MICU3: variants seen among roughly 807,000 people sequenced by gnomAD.
MICU3 encodes calcium uptake protein 3, mitochondrial.
In MICU3, 62 loss-of-function variants were observed where a neutral mutation model predicts 66.5. The ratio of observed to expected loss-of-function variants is 0.93; its 90% CI spans 0.76 to 1.15. The LOEUF is 1.15. MICU3 is among the 50% of genes most tolerant of loss of function. The pLI, the probability that MICU3 is intolerant of heterozygous loss-of-function variation, is 0.00. For synonymous variants in MICU3, 308 were observed against 240.7 expected, an observed-to-expected ratio of 1.28 and a Z score of -2.59; for missense variants, 779 against 664.4, an observed-to-expected ratio of 1.17 and a Z score of -1.90.
intron 2 of MICU3, among the ~76,000 whole-genome samples, chr8:17,065,802 G>A (rs1014298566): frequency 3.6e-4 from 55 of 152,126 alleles, no homozygotes; most frequent in African/African-American, 1.2e-3. Context: ...GACGATGAGT[G>A]TAAAGGACTC....
chr8:17,060,894 C>G (rs1238794214), intron 1 of MICU3, among the ~76,000 whole-genome samples: 1 of 151,752 alleles, frequency 6.6e-6, no homozygotes, highest in Admixed American at 6.6e-5. Flanking sequence ...TGGGCCCGCA[C>G]CTAATACCAT....
intron 1 of MICU3, among the ~76,000 whole-genome samples, chr8:17,032,007 C>T (rs2150481264): frequency 1.3e-5 from 2 of 152,272 alleles, no homozygotes; most frequent in Admixed American, 1.3e-4. Context: ...GTCTTCATTG[C>T]CTGTTAAGGG....
rs1479889013 is a variant in MICU3 at position 17,027,366 on chromosome 8, G to T, written c.87G>T (p.Gly29=). ...ACCAGCCCCTCCTTGGGCCGTGGGGGCGGCCTGCGGTGACCACCCTGGGCC... is the reference window on the plus strand; with the variant it reads ...ACCAGCCCCTCCTTGGGCCGTGGGGTCGGCCTGCGGTGACCACCCTGGGCC... ...CAHQPLLGPW[G]RPAVTTLGLP... The change falls in exon 1 of 15, where the codon GGG becomes GGT. Residue 29 remains glycine, a synonymous_variant. Coordinates refer to ENST00000318063, the MANE Select transcript of MICU3 (RefSeq NM_181723.3). The T allele has an allele frequency of 1.3e-6, 2 of 1,495,298 alleles. No individual in the cohort carries two copies. The highest frequency in any genetic ancestry group is 8.8e-7 in the Non-Finnish European group (1 of 1,132,054). 92.6% of individuals were successfully genotyped at this position (1,495,298 alleles called of 1,614,324 possible).
chr8:17,128,342 A>C, the MICU3 span, among the ~76,000 whole-genome samples: 1 of 152,250 alleles, frequency 6.6e-6, no homozygotes, highest in East Asian at 1.9e-4. Flanking sequence ...AAAGAATTCA[A>C]CCAAATCCAG....
chr8:17,053,382 A>C (rs1001352792), intron 1 of MICU3, among the ~76,000 whole-genome samples: 2 of 152,130 alleles, frequency 1.3e-5, no homozygotes, highest in African/African-American at 4.8e-5. Context: ...TGAATTGCTG[A>C]CCTGAAGTAA....
intron 1 of MICU3, among the ~76,000 whole-genome samples, chr8:17,057,006 G>A (rs570099397): frequency 2.0e-5 from 3 of 152,336 alleles, no homozygotes; most frequent in Non-Finnish European, 4.4e-5. Context: ...ATGGAAATTA[G>A]ACTCATTCTT....
chr8:17,092,188 T>G (rs1800139219), intron 8 of MICU3, among the ~76,000 whole-genome samples: 1 of 152,082 alleles, frequency 6.6e-6, no homozygotes, highest in African/African-American at 2.4e-5. Context: ...TGATTTATTT[T>G]TCTAATGTAA....
intron 2 of MICU3, among the ~76,000 whole-genome samples, chr8:17,069,306 T>G (rs1038011272): frequency 9.9e-5 from 15 of 152,194 alleles, no homozygotes; most frequent in African/African-American, 3.6e-4. Context: ...AATTATAGTT[T>G]ATCTATGTTA....
chr8:17,115,402 T>TGA lies in MICU3; in HGVS notation c.1367-1040_1367-1039insAG, dbSNP rs373771435. Among the ~76,000 whole-genome samples, 157 of 152,358 alleles carry TGA rather than the reference T, an allele frequency of 1.0e-3. 1 individual carries two copies. The highest frequency in any genetic ancestry group is 3.7e-3 in the African/African-American group (155 of 41,594). On this transcript the variant is annotated intron_variant, in intron 12 of 14. Coordinates refer to ENST00000318063, the MANE Select transcript of MICU3 (RefSeq NM_181723.3). ...TCTGCCTCTACAGACTAGCCATTAC[T>TGA]GCTGTGATAAATCTCATCAACGTGC...
In MICU3 at chr8:17,122,529, G is replaced by A. The variant is rs1803271541; in HGVS notation, c.*2242G>A. 6.6e-6 allele frequency: 1 copy of A among 151,800 alleles called. No individual in the cohort carries two copies. The highest frequency in any genetic ancestry group is 2.4e-5 in the African/African-American group (1 of 41,392). The allele number at this position is 151,800 out of a possible 1,614,324, so 9.4% of individuals were successfully genotyped here. On this transcript the variant is annotated 3_prime_UTR_variant, in exon 15 of 15. Transcript: ENST00000318063. ...ACTTCTCAGAATCATTTCATAATAA[G>A]CAATTTATTTAGCTTAAGTTCCAAC...
At chr8:17,065,606 T>C (rs989201307) in intron 2 of MICU3, among the ~76,000 whole-genome samples, 1 of 152,178 alleles carries the variant, frequency 6.6e-6, no homozygotes, top group Non-Finnish European at 1.5e-5. Flanking sequence ...TATGTAGTCA[T>C]GGAAGCCGAG....
At chr8:17,042,342 A>G (rs1350364227) in intron 1 of MICU3, among the ~76,000 whole-genome samples, 2 of 152,246 alleles carry the variant, frequency 1.3e-5, no homozygotes, top group Non-Finnish European at 2.9e-5. Flanking sequence ...AACGCTGAGA[A>G]TGTAACTTCA....
At chr8:17,074,590 C>CGTGTGTGTGTGT (rs35861279) in intron 3 of MICU3, among the ~76,000 whole-genome samples, 98 of 142,016 alleles carry the variant, frequency 6.9e-4, no homozygotes, top group African/African-American at 2.0e-3. Context: ...GATGTTAAAA[C>CGTGTGTGTGTGT]GTGTGTGTGT....
chr8:17,029,448 C>T (rs943021864), intron 1 of MICU3, among the ~76,000 whole-genome samples: 1 of 152,092 alleles, frequency 6.6e-6, no homozygotes, highest in Non-Finnish European at 1.5e-5. Context: ...TGCACCCCAG[C>T]CTGGGTGACA....
intron 11 of MICU3, among the ~76,000 whole-genome samples, chr8:17,112,900 G>C (rs912856741): frequency 1.3e-5 from 2 of 152,084 alleles, no homozygotes; most frequent in African/African-American, 4.8e-5. Flanking sequence ...ACCCTTTCTG[G>C]TGCAGTCCTC....
chr8:17,089,865 C>T (rs1215237019), intron 7 of MICU3, among the ~76,000 whole-genome samples: 3 of 152,018 alleles, frequency 2.0e-5, no homozygotes, highest in Non-Finnish European at 2.9e-5. Flanking sequence ...CTACTTTAAA[C>T]TGAATCTTAA....
chr8:17,112,421 A>G (rs76580634), intron 11 of MICU3, among the ~76,000 whole-genome samples: 7,088 of 152,260 alleles, frequency 0.047, 214 homozygotes, highest in Non-Finnish European at 0.069. Context: ...AGAGTGAAGA[A>G]ATGGCCACAC....
the MICU3 span, chr8:17,133,151 A>G: frequency 6.6e-6 from 1 of 152,268 alleles, no homozygotes; most frequent in Admixed American, 6.5e-5. Context: ...TAAGACAAAT[A>G]TAATAGAGGA....
chr8:17,081,467 C>T (rs1266249056), intron 4 of MICU3, among the ~76,000 whole-genome samples: 1 of 151,788 alleles, frequency 6.6e-6, no homozygotes, highest in Non-Finnish European at 1.5e-5. Flanking sequence ...GCTTTTTTTG[C>T]CAATATATTT....
Sources: gnomAD v4.1 joint callset for allele counts (sites outside exome capture counted in the v4.1 genomes callset) on GRCh38, gnomAD v4.1.1 for gene constraint, MANE v1.5 for transcripts, NCBI Gene and HGNC (gene_info 2026-07-23, HGNC 2026-07-21) for gene names.